Variants in SNRPG observed in about 807,000 individuals in gnomAD.
SNRPG encodes the protein small nuclear ribonucleoprotein polypeptide G, also known as small nuclear ribonucleoprotein G.
Under a neutral mutation model 13.9 loss-of-function variants are expected in SNRPG, and 3 were observed. The ratio of observed to expected loss-of-function variants is 0.22; its 90% CI spans 0.10 to 0.56. The LOEUF is 0.56. Ranked by LOEUF, SNRPG falls within the 20% of genes least tolerant of loss-of-function variation. SNRPG has a pLI of 0.93. For synonymous variants in SNRPG, 29 were observed against 29.3 expected (o/e 0.99, Z 0.03); for missense variants, 34 against 96.1 (o/e 0.35, Z 2.70).
rs77908910 is a variant in SNRPG at position 70,286,446 on chromosome 2, G to A, written c.180+1622C>T. ...TTTTAAAATGTCTTTTATTAAAGAAGTCTGATGTGTTATTATTTCTTTTTC... is the reference window on the plus strand; with the variant it reads ...TTTTAAAATGTCTTTTATTAAAGAAATCTGATGTGTTATTATTTCTTTTTC... On this transcript the variant is annotated intron_variant, in intron 3 of 3. Transcript: ENST00000272348. Among the ~76,000 whole-genome samples the A allele has an allele frequency of 2.3e-3, 348 of 151,292 alleles. 2 individuals carry two copies. Among genetic ancestry groups the A allele is most frequent in the Non-Finnish European group, 4.0e-3 (272 of 68,004 alleles).
At chr2:70,290,277 A>C (rs1697050200) in intron 1 of SNRPG, among the ~76,000 whole-genome samples, 1 of 152,168 alleles carries the variant, frequency 6.6e-6, no homozygotes, top group Non-Finnish European at 1.5e-5. Context: ...CCAATTCAAT[A>C]GGTATTTTAT....
chr2:70,283,095 T>G (rs1168998752), intron 3 of SNRPG, among the ~76,000 whole-genome samples: 1 of 4,386 alleles, frequency 2.3e-4, no homozygotes, highest in East Asian at 2.5e-3. Flanking sequence ...CTGTCTTTTG[T>G]CAAAAAAAAA....
At chr2:70,285,010 A>C (rs536820381) in intron 3 of SNRPG, among the ~76,000 whole-genome samples, 1 of 152,260 alleles carries the variant, frequency 6.6e-6, no homozygotes, top group South Asian at 2.1e-4. Flanking sequence ...GCTGCCCATT[A>C]ATCAGTTATC....
In SNRPG at chr2:70,293,717, T is replaced by G; in HGVS notation, c.-68A>C. The G allele has an allele frequency of 6.8e-7, 1 of 1,475,604 alleles. No homozygotes were observed. Among genetic ancestry groups the G allele is most frequent in the Non-Finnish European group, 9.5e-7 (1 of 1,053,886 alleles). The allele number at this position is 1,475,604 out of a possible 1,614,324, so 91.4% of individuals were successfully genotyped here. ...CACGGCTTTCCTCACGCTCCCGCTG[T>G]AGGCCCGGCGTCTTGCGTCTGGCGT... On this transcript the variant is annotated 5_prime_UTR_variant, in exon 1 of 4. Transcript: ENST00000272348.
At chr2:70,291,614 C>CA (rs1348817010) in intron 1 of SNRPG, among the ~76,000 whole-genome samples, 1 of 152,042 alleles carries the variant, frequency 6.6e-6, no homozygotes, top group Admixed American at 6.6e-5. Flanking sequence ...AGAAGGAGGG[C>CA]ATAATGGTGT....
chr2:70,293,053 G>A (rs2104928016), intron 1 of SNRPG: 2 of 682,480 alleles, frequency 2.9e-6, no homozygotes, highest in Non-Finnish European at 5.3e-6. Context: ...TTCTTATATA[G>A]TTTCAACATC....
intron 1 of SNRPG, among the ~76,000 whole-genome samples, chr2:70,290,933 C>T (rs946150517): frequency 6.8e-6 from 1 of 147,182 alleles, no homozygotes; most frequent in South Asian, 2.2e-4. Flanking sequence ...ATCGCTTGAA[C>T]CCGGGAGGCA....
intron 1 of SNRPG, chr2:70,292,897 C>T: frequency 2.0e-6 from 1 of 507,576 alleles, no homozygotes; most frequent in East Asian, 3.1e-5. Context: ...TTGAGGAATT[C>T]AAAGCTTTAC....
intron 1 of SNRPG, chr2:70,293,078 C>G (rs1443095280): frequency 1.1e-5 from 8 of 701,424 alleles, no homozygotes; most frequent in African/African-American, 3.5e-5. Context: ...CAAGATAACA[C>G]ATGACATTCA....
chr2:70,293,355 G>A, intron 1 of SNRPG: 1 of 633,052 alleles, frequency 1.6e-6, no homozygotes, highest in South Asian at 1.8e-5. Context: ...AGCGCCGGGT[G>A]ACCAGGGGCC....
At chr2:70,293,380 G>A (rs1697154491) in intron 1 of SNRPG, 5 of 629,386 alleles carry the variant, frequency 7.9e-6, no homozygotes, top group Non-Finnish European at 1.1e-5. Context: ...CGCGGGACCT[G>A]GAGACTAGTC....
At chr2:70,284,557 A>T (rs1010205441) in intron 3 of SNRPG, among the ~76,000 whole-genome samples, 1 of 151,496 alleles carries the variant, frequency 6.6e-6, no homozygotes, top group Non-Finnish European at 1.5e-5. Flanking sequence ...CTAATTTTAA[A>T]ATTTTCTGTA....
At chr2:70,287,027 G>A (rs1053395684) in intron 3 of SNRPG, among the ~76,000 whole-genome samples, 1 of 152,080 alleles carries the variant, frequency 6.6e-6, no homozygotes, top group Non-Finnish European at 1.5e-5. Context: ...TGAAACTTGG[G>A]GGTACAGTGT....
intron 3 of SNRPG, among the ~76,000 whole-genome samples, chr2:70,286,023 G>A (rs1307925202): frequency 6.6e-6 from 1 of 152,050 alleles, no homozygotes; most frequent in Non-Finnish European, 1.5e-5. Context: ...TCAGCTCACT[G>A]CAGCTTTGAC....
At chr2:70,288,648 G>T (rs1364696456) in intron 2 of SNRPG, among the ~76,000 whole-genome samples, 2 of 152,132 alleles carry the variant, frequency 1.3e-5, no homozygotes, top group East Asian at 1.9e-4. Context: ...AACGCTCATG[G>T]TTTTTTCCCC....
At chr2:70,292,713 T>A (rs762604349) in intron 1 of SNRPG, 1 of 153,906 alleles carries the variant, frequency 6.5e-6, no homozygotes, top group Non-Finnish European at 1.4e-5. Flanking sequence ...ATAAATGAAC[T>A]AACTATACAC....
chr2:70,291,336 C>T (rs529291240), intron 1 of SNRPG: 1 of 152,242 alleles, frequency 6.6e-6, no homozygotes, highest in African/African-American at 2.4e-5. Flanking sequence ...AGTACAGACT[C>T]GATTTTGCAT....
At chr2:70,285,062 GTGTTC>G in intron 3 of SNRPG, among the ~76,000 whole-genome samples, 1 of 152,134 alleles carries the variant, frequency 6.6e-6, no homozygotes, top group East Asian at 1.9e-4. Flanking sequence ...AGGGTTACTT[GTGTTC>G]AAGTAACCCT....
chr2:70,284,931 G>A (rs756437458), intron 3 of SNRPG, among the ~76,000 whole-genome samples: 6 of 152,190 alleles, frequency 3.9e-5, no homozygotes, highest in African/African-American at 1.4e-4. Context: ...ACTGCATGCT[G>A]TTCTTAGCAG....
Sources: gnomAD v4.1 joint callset for allele counts (sites outside exome capture counted in the v4.1 genomes callset) on GRCh38, gnomAD v4.1.1 for gene constraint, MANE v1.5 for transcripts, NCBI Gene and HGNC (gene_info 2026-07-23, HGNC 2026-07-21) for gene names.